AHI1: variants seen among roughly 807,000 people sequenced by gnomAD.
The protein encoded by AHI1 is jouberin.
Under a neutral mutation model 149.3 loss-of-function variants are expected in AHI1, and 123 were observed. The ratio of observed to expected loss-of-function variants is 0.82; its 90% CI spans 0.71 to 0.96. AHI1 has a LOEUF of 0.96. AHI1 is among the 40% of genes least tolerant of loss of function. AHI1 has a pLI of 0.00. For missense variants in AHI1, 1,439 were observed against 1,422.7 expected, an observed-to-expected ratio of 1.01 and a Z score of -0.18; for synonymous variants, 475 against 459.8, an observed-to-expected ratio of 1.03 and a Z score of -0.42.
intron 25 of AHI1, among the ~76,000 whole-genome samples, chr6:135,319,022 A>G (rs1315677054): frequency 6.6e-6 from 1 of 152,248 alleles, no homozygotes; most frequent in Non-Finnish European, 1.5e-5. Context: ...CTGGTCAGAG[A>G]AAGACATGTT....
At chr6:135,364,271 T>G (rs1794523304) in intron 23 of AHI1, among the ~76,000 whole-genome samples, 1 of 139,610 alleles carries the variant, frequency 7.2e-6, no homozygotes, top group Non-Finnish European at 1.6e-5. Flanking sequence ...AGGGCAGAGG[T>G]GCTCCCCACA....
chr6:135,286,584 A>C (rs1003365445), intron 28 of AHI1: 1 of 152,248 alleles, frequency 6.6e-6, no homozygotes, highest in African/African-American at 2.4e-5. Flanking sequence ...ACCATTCCTG[A>C]AGGGCTTTCC....
At chr6:135,354,773 A>G (rs1225671911) in intron 24 of AHI1, among the ~76,000 whole-genome samples, 3 of 152,166 alleles carry the variant, frequency 2.0e-5, no homozygotes, top group Admixed American at 2.0e-4. Context: ...CTCATGTCTT[A>G]TTTACTTTTT....
chr6:135,369,169 C>T (rs1423697851), intron 23 of AHI1, among the ~76,000 whole-genome samples: 1 of 152,208 alleles, frequency 6.6e-6, no homozygotes, highest in Non-Finnish European at 1.5e-5. Context: ...AAGGTCAAAT[C>T]CTTTTCTGGT....
At chr6:135,447,812 G>T (rs1403811412) in intron 12 of AHI1, among the ~76,000 whole-genome samples, 1 of 152,148 alleles carries the variant, frequency 6.6e-6, no homozygotes, top group Admixed American at 6.5e-5. Context: ...GAAATCAGGA[G>T]TCTGCAAACT....
intron 23 of AHI1, among the ~76,000 whole-genome samples, chr6:135,375,223 GT>G (rs201832201): frequency 6.0e-5 from 9 of 151,132 alleles, no homozygotes; most frequent in African/African-American, 1.7e-4. Flanking sequence ...TTTTTAAAAA[GT>G]TTTTTTTTCC....
intron 26 of AHI1, chr6:135,302,270 A>G: frequency 1.0e-6 from 1 of 985,512 alleles, no homozygotes; most frequent in Non-Finnish European, 1.2e-6. Context: ...AAAACTCAAC[A>G]TTAAGGGCTC....
At chr6:135,338,498 G>A (rs983959624) in intron 24 of AHI1, among the ~76,000 whole-genome samples, 1 of 152,122 alleles carries the variant, frequency 6.6e-6, no homozygotes. Flanking sequence ...AAAACTCTGA[G>A]CTTAAGGATA....
rs141398882 is a variant in AHI1 at position 135,368,604 on chromosome 6, A to G, written c.3110-10417T>C. ...TGTGTGGGATGGGAATGTGGTTCTC[A>G]GGCTGATGGAGTTACTTTCCCAGGA... On this transcript the variant is annotated intron_variant, in intron 23 of 28. Coordinates refer to ENST00000265602, the MANE Select transcript of AHI1 (RefSeq NM_001134831.2). Among the ~76,000 whole-genome samples, 533 of 152,256 alleles carry G rather than the reference A, an allele frequency of 3.5e-3. 3 individuals are homozygous for G. The highest frequency in any genetic ancestry group is 0.012 in the African/African-American group (484 of 41,528).
At chr6:135,363,731 C>T (rs1794332177) in intron 23 of AHI1, among the ~76,000 whole-genome samples, 1 of 144,734 alleles carries the variant, frequency 6.9e-6, no homozygotes, top group South Asian at 2.2e-4. Flanking sequence ...AGAGGCGCCC[C>T]TCACTTCCCG....
intron 5 of AHI1, among the ~76,000 whole-genome samples, chr6:135,472,337 A>C (rs994647844): frequency 6.6e-6 from 1 of 152,088 alleles, no homozygotes. Flanking sequence ...AGCTTTTAGG[A>C]TTCATCCATG....
intron 20 of AHI1, among the ~76,000 whole-genome samples, chr6:135,426,765 T>TA (rs1783973518): frequency 1.3e-5 from 2 of 151,628 alleles, no homozygotes; most frequent in African/African-American, 4.8e-5. Flanking sequence ...CGAAAGACAT[T>TA]AGATTTCTAA....
At chr6:135,400,525 T>C (rs1004157411) in intron 22 of AHI1, among the ~76,000 whole-genome samples, 3 of 151,960 alleles carry the variant, frequency 2.0e-5, no homozygotes, top group African/African-American at 7.2e-5. Context: ...GAGGGACAGA[T>C]ACATAAAGAT....
In AHI1 at chr6:135,466,175, T is replaced by C. The variant is rs376751417; in HGVS notation, c.388A>G (p.Ile130Val). ...GTAGTCAACTGGGGCACCGTCTTTA[T>C]CACCTTTTTATTTGGCTTTCCTTGT... is the stretch of plus-strand genomic sequence containing the variant. ...DKQGKPNKKV[I>V]KTVPQLTTQD... is the part of the protein sequence containing the mutation. The change falls in exon 7 of 29, where the codon ATA (isoleucine) becomes GTA (valine). Residue 130 changes from isoleucine to valine, a missense_variant. By Grantham distance (29) the Ile-to-Val change is conservative. Coordinates refer to ENST00000265602, the MANE Select transcript of AHI1 (RefSeq NM_001134831.2). The C allele has an allele frequency of 4.3e-6, 7 of 1,613,860 alleles. No homozygotes were observed. Among genetic ancestry groups the C allele is most frequent in the Middle Eastern group, 1.6e-4 (1 of 6,084 alleles).
intron 23 of AHI1, among the ~76,000 whole-genome samples, chr6:135,393,734 T>A (rs982746880): frequency 5.9e-5 from 9 of 152,240 alleles, no homozygotes; most frequent in African/African-American, 2.2e-4. Context: ...ATGTTTACAA[T>A]ATAAATATGT....
chr6:135,440,739 C>G (rs537204564), intron 14 of AHI1, among the ~76,000 whole-genome samples: 1 of 152,066 alleles, frequency 6.6e-6, no homozygotes, highest in Non-Finnish European at 1.5e-5. Flanking sequence ...CGAACTTAAC[C>G]GAGCACAGAC....
chr6:135,446,974 A>T (rs930212528), intron 13 of AHI1, 34 bp downstream of exon 13: 1 of 1,584,342 alleles, frequency 6.3e-7, no homozygotes, highest in African/African-American at 1.4e-5. Flanking sequence ...ATAAGTAAAC[A>T]TCTAAATAAA....
intron 24 of AHI1, among the ~76,000 whole-genome samples, chr6:135,337,491 G>T (rs1295235104): frequency 6.6e-6 from 1 of 152,046 alleles, no homozygotes; most frequent in Non-Finnish European, 1.5e-5. Context: ...AAGTGCAGTG[G>T]CTCATGCCTG....
chr6:135,311,249 T>C (rs531737097), intron 26 of AHI1, among the ~76,000 whole-genome samples: 1 of 145,044 alleles, frequency 6.9e-6, no homozygotes, highest in East Asian at 2.0e-4. Flanking sequence ...TTGCAGTGAG[T>C]TGGGATCCCA....
Sources: gnomAD v4.1 joint callset for allele counts (sites outside exome capture counted in the v4.1 genomes callset) on GRCh38, gnomAD v4.1.1 for gene constraint, MANE v1.5 for transcripts, NCBI Gene and HGNC (gene_info 2026-07-23, HGNC 2026-07-21) for gene names.